Variants in PRUNE2 observed in about 807,000 individuals in gnomAD.
PRUNE2 encodes protein prune homolog 2.
PRUNE2 carries 164 observed loss-of-function variants against 252.0 expected under a neutral mutation model. That is an observed-to-expected ratio of 0.65 (90% CI 0.57 to 0.74). The LOEUF (loss-of-function observed/expected upper bound fraction) is 0.74, where lower values mean the gene tolerates loss of function less well. Among genes scored for constraint, PRUNE2 ranks in the 30% least tolerant of loss-of-function variants. PRUNE2 has a pLI of 0.00. For synonymous variants in PRUNE2, 1,292 were observed against 1,350.2 expected (o/e 0.96, Z 0.94); for missense variants, 3,495 against 3,711.0 (o/e 0.94, Z 1.51).
intron 6 of PRUNE2, among the ~76,000 whole-genome samples, chr9:76,754,998 A>G (rs1564222124): frequency 6.6e-6 from 1 of 151,110 alleles, no homozygotes; most frequent in African/African-American, 2.4e-5. Context: ...ACCCAAAAAA[A>G]CAAAAGCAAA....
rs1361132662 is a variant in PRUNE2 at position 76,823,616 on chromosome 9, G to A, written c.756+16C>T. The A allele has an allele frequency of 6.8e-7, 1 of 1,473,876 alleles. No individual in the cohort carries two copies. The highest frequency in any genetic ancestry group is 9.5e-7 in the Non-Finnish European group (1 of 1,052,876). The allele number at this position is 1,473,876 out of a possible 1,614,324, so 91.3% of individuals were successfully genotyped here. On this transcript the variant is annotated intron_variant, in intron 6 of 18. Coordinates refer to ENST00000376718, the MANE Select transcript of PRUNE2 (RefSeq NM_015225.3). The stretch of plus-strand genomic sequence containing the variant: ...TGGGAAATCAATCAATGCTAAAAAA[G>A]CATTCCCACCCTTACCTCAAGGTTC...
intron 16 of PRUNE2, 55 bp downstream of exon 16, chr9:76,629,137 C>T: frequency 3.6e-6 from 4 of 1,117,124 alleles, no homozygotes; most frequent in Non-Finnish European, 3.9e-6. Context: ...GCCACCACAC[C>T]CAGCCTCAAA....
chr9:76,624,387 T>C (rs1171588558), intron 17 of PRUNE2, 65 bp downstream of exon 17: 5 of 1,160,296 alleles, frequency 4.3e-6, no homozygotes, highest in Non-Finnish European at 5.7e-6. Flanking sequence ...ATGCAGATTT[T>C]CCCAATTCAG....
chr9:76,761,395 C>T (rs1007532735), intron 6 of PRUNE2, among the ~76,000 whole-genome samples: 3 of 152,176 alleles, frequency 2.0e-5, no homozygotes, highest in Non-Finnish European at 4.4e-5. Flanking sequence ...AGACAATTCT[C>T]ATTTGATAAA....
Position 76,869,002 on chromosome 9 carries a change from G to C in PRUNE2, c.37-14794C>G, listed in dbSNP as rs568728527. On this transcript the variant is annotated intron_variant, in intron 1 of 18. Transcript: ENST00000376718. ...TGCCCCAGATACTTTAATTATTTCT[G>C]CTCCTTCGGATTAGAAGGGCTGGAG... 3 of 152,216 alleles carry C rather than the reference G, an allele frequency of 2.0e-5. No homozygotes were observed. The East Asian group carries it at 5.8e-4, about 29-fold the overall frequency. The allele number at this position is 152,216 out of a possible 1,614,324, so 9.4% of individuals were successfully genotyped here.
At chr9:76,650,323 CG>C in intron 11 of PRUNE2, among the ~76,000 whole-genome samples, 1 of 148,428 alleles carries the variant, frequency 6.7e-6, no homozygotes, top group Non-Finnish European at 1.5e-5. Flanking sequence ...AATATATACA[CG>C]AAAAATATAA....
chr9:76,813,073 A>G (rs2057463347), intron 6 of PRUNE2, among the ~76,000 whole-genome samples: 1 of 152,188 alleles, frequency 6.6e-6, no homozygotes, highest in Admixed American at 6.5e-5. Context: ...ATAATGATAT[A>G]CTTCTGCACA....
chr9:76,705,666 A>T lies in PRUNE2; in HGVS notation c.6608T>A (p.Leu2203Ter). ...GCTGGCTCCTTTTTCTGATACTTGT[A>T]AACCTGTACTGTTGTCACCGTTTAT... ...SEINGDNSTG[L>*]QVSEKGASPD... The change falls in exon 8 of 19, where the codon TTA (leucine) becomes TAA (stop). Residue 2203 changes from leucine (L) to a stop codon, truncating the protein, a stop_gained. Transcript: ENST00000376718. LOFTEE classifies it high-confidence loss of function. 1 of 1,614,018 alleles carries T rather than the reference A, an allele frequency of 6.2e-7. No individual in the cohort carries two copies. The highest frequency in any genetic ancestry group is 8.5e-7 in the Non-Finnish European group (1 of 1,179,890).
chr9:76,812,232 C>G (rs1338776148), intron 6 of PRUNE2, among the ~76,000 whole-genome samples: 1 of 152,186 alleles, frequency 6.6e-6, no homozygotes, highest in African/African-American at 2.4e-5. Context: ...CCCCAGCATG[C>G]ATGATGACCA....
chr9:76,810,024 T>C (rs1012505779), intron 6 of PRUNE2, among the ~76,000 whole-genome samples: 3 of 152,226 alleles, frequency 2.0e-5, no homozygotes, highest in Admixed American at 6.5e-5. Context: ...AACATGACTG[T>C]TTCCCTTTTG....
intron 9 of PRUNE2, among the ~76,000 whole-genome samples, chr9:76,655,992 T>C (rs1177922919): frequency 1.3e-5 from 2 of 152,210 alleles, no homozygotes; most frequent in Non-Finnish European, 2.9e-5. Context: ...TGTTTAAAGA[T>C]TAAGCTACAA....
At position 76,705,478 on chromosome 9, in the gene PRUNE2, A is replaced by T; in HGVS notation, c.6796T>A (p.Leu2266Met). Residue 2266 changes from leucine (L) to methionine (M), a missense_variant, in exon 8 of 19, where the codon TTG becomes ATG. Transcript: ENST00000376718. ...SPESQPGARALFDGDPHLSTE... is the reference protein window; with the variant it reads ...SPESQPGARAMFDGDPHLSTE... Reference sequence around the variant, plus strand: ...GATAAATGTGGATCACCATCAAACAAAGCTCTTGCACCAGGCTGACTTTCA... The same window carrying T: ...GATAAATGTGGATCACCATCAAACATAGCTCTTGCACCAGGCTGACTTTCA... 6.2e-7 allele frequency: 1 copy of T among 1,613,980 alleles called. No individual in the cohort carries two copies. The highest frequency in any genetic ancestry group is 1.1e-5 in the South Asian group (1 of 91,072).
intron 1 of PRUNE2, among the ~76,000 whole-genome samples, chr9:76,859,055 C>G (rs1032512307): frequency 6.6e-6 from 1 of 152,152 alleles, no homozygotes; most frequent in East Asian, 1.9e-4. Context: ...GACAGGCAAC[C>G]CTTTGCGAAT....
At chr9:76,869,450 G>A (rs1278768170) in intron 1 of PRUNE2, among the ~76,000 whole-genome samples, 1 of 152,126 alleles carries the variant, frequency 6.6e-6, no homozygotes, top group African/African-American at 2.4e-5. Context: ...GACCTCTCAG[G>A]ATCGTTCTCT....
At chr9:76,829,616 C>T (rs1324149140) in intron 4 of PRUNE2, among the ~76,000 whole-genome samples, 2 of 152,172 alleles carry the variant, frequency 1.3e-5, no homozygotes, top group African/African-American at 4.8e-5. Flanking sequence ...TGCAGACACA[C>T]AAACCCTAAG....
intron 6 of PRUNE2, among the ~76,000 whole-genome samples, chr9:76,725,563 T>TA (rs150541443): frequency 0.027 from 4,059 of 150,152 alleles, 154 homozygotes; most frequent in African/African-American, 0.09. Context: ...TTTTGAAGTC[T>TA]AAAAAAAAAA....
At chr9:76,744,361 G>C (rs1464970481) in intron 6 of PRUNE2, among the ~76,000 whole-genome samples, 1 of 152,198 alleles carries the variant, frequency 6.6e-6, no homozygotes, top group African/African-American at 2.4e-5. Context: ...TTCCACAGTA[G>C]AGAGAGGCCT....
intron 1 of PRUNE2, among the ~76,000 whole-genome samples, chr9:76,899,752 T>C (rs2063059575): frequency 6.6e-6 from 1 of 152,152 alleles, no homozygotes; most frequent in African/African-American, 2.4e-5. Flanking sequence ...ATAAGTGATC[T>C]AAAGAATTAC....
intron 4 of PRUNE2, among the ~76,000 whole-genome samples, chr9:76,831,880 T>G (rs2058692733): frequency 6.6e-6 from 1 of 152,066 alleles, no homozygotes; most frequent in Non-Finnish European, 1.5e-5. Context: ...AGAGCACACC[T>G]TAAATATAAT....
Sources: gnomAD v4.1 joint callset for allele counts (sites outside exome capture counted in the v4.1 genomes callset) on GRCh38, gnomAD v4.1.1 for gene constraint, MANE v1.5 for transcripts, NCBI Gene and HGNC (gene_info 2026-07-23, HGNC 2026-07-21) for gene names.